FGF13: variants seen among roughly 807,000 people sequenced by gnomAD.
FGF13 encodes fibroblast growth factor 13, also known as fibroblast growth factor homologous factor 2.
In FGF13, 2 loss-of-function variants were observed where a neutral mutation model predicts 19.5. The ratio of observed to expected loss-of-function variants is 0.10; its 90% CI spans 0.04 to 0.32. The LOEUF (loss-of-function observed/expected upper bound fraction) is 0.32. FGF13 is among the 10% of genes least tolerant of loss of function. FGF13 has a pLI of 1.00. For synonymous variants in FGF13, 72 were observed against 76.9 expected (o/e 0.94, Z 0.33); for missense variants, 113 against 192.7 (o/e 0.59, Z 2.45).
chrX:139,109,061 C>G (rs2083582165), intron 1 of FGF13, among the ~76,000 whole-genome samples: 1 of 111,771 alleles, frequency 8.9e-6, no homozygotes, highest in South Asian at 3.7e-4. Flanking sequence ...ATTTTTAAAA[C>G]AGCAATGACA....
At chrX:139,004,914 A>G (rs914165732) in intron 1 of FGF13, among the ~76,000 whole-genome samples, 4 of 112,139 alleles carry the variant, frequency 3.6e-5, no homozygotes, top group Non-Finnish European at 5.6e-5. Flanking sequence ...ACAGAACACC[A>G]GGTAGACTTC....
upstream of FGF13, among the ~76,000 whole-genome samples, chrX:138,740,865 C>T (rs1287883712): frequency 8.9e-6 from 1 of 112,376 alleles, no homozygotes; most frequent in Non-Finnish European, 1.9e-5. Flanking sequence ...GCACTAACCC[C>T]TGCAAATTCT....
intron 1 of FGF13, among the ~76,000 whole-genome samples, chrX:138,735,932 A>G (rs1207664334): frequency 8.0e-5 from 9 of 112,345 alleles, no homozygotes; most frequent in Non-Finnish European, 1.5e-4. Flanking sequence ...TGCATATCCC[A>G]TGTGGATTTC....
chrX:139,001,691 A>C (rs1244669814), intron 1 of FGF13, among the ~76,000 whole-genome samples: 3 of 111,975 alleles, frequency 2.7e-5, no homozygotes, highest in African/African-American at 9.8e-5. Context: ...AGGAAACAAC[A>C]GATGCTGGAG....
At chrX:138,818,302 T>G (rs2090974830) in intron 3 of FGF13, among the ~76,000 whole-genome samples, 1 of 110,689 alleles carries the variant, frequency 9.0e-6, no homozygotes, top group African/African-American at 3.3e-5. Flanking sequence ...CCATTTCTAC[T>G]TGAATAACTT....
intron 1 of FGF13, among the ~76,000 whole-genome samples, chrX:138,884,173 G>A (rs1402520925): frequency 8.9e-6 from 1 of 112,279 alleles, no homozygotes; most frequent in African/African-American, 3.2e-5. Context: ...TGGAGAAATA[G>A]AGAGCCAGAC....
intron 1 of FGF13, among the ~76,000 whole-genome samples, chrX:139,066,536 C>T (rs1244405727): frequency 9.0e-6 from 1 of 111,702 alleles, no homozygotes; most frequent in Non-Finnish European, 1.9e-5. Flanking sequence ...CACCTCTACA[C>T]GAATAAACTA....
intron 1 of FGF13, among the ~76,000 whole-genome samples, chrX:139,068,611 C>T (rs10127133): frequency 0.081 from 8,849 of 109,668 alleles, 478 homozygotes; most frequent in African/African-American, 0.19. Context: ...ATTCTTCCTA[C>T]CCATGAGCAT....
rs1032065517 is a variant in FGF13, at chrX:138,986,542, C to G, written c.-112-121892G>C. 3.6e-5 allele frequency among the ~76,000 whole-genome samples: 4 copies of G among 111,764 alleles called. No individual in the cohort carries two copies. The Admixed American group carries it at 3.8e-4, about 11-fold the overall frequency. On this transcript the variant is annotated intron_variant, in intron 1 of 2. Transcript: ENST00000421460. ...ATGGGAGGAAGGAGGGTACATTTTC[C>G]CACAAAATGGCAACATTTTAAAAAT...
rs1181393272 is a variant in FGF13 at position 139,070,407 on chromosome X, G to T, written c.-113+133009C>A. On this transcript the variant is annotated intron_variant, in intron 1 of 2. Transcript: ENST00000421460. ...CATCATCACTGGTCATTAGAGAAAC[G>T]CAAATCAAAACCACAATGAGATACC... Among the ~76,000 whole-genome samples, 5 of 112,404 alleles carry T rather than the reference G, an allele frequency of 4.4e-5. No homozygotes were observed. In the East Asian group the frequency reaches 1.1e-3, roughly 25 times the overall value.
intron 1 of FGF13, among the ~76,000 whole-genome samples, chrX:139,130,205 C>A: frequency 1.8e-5 from 2 of 112,074 alleles, no homozygotes; most frequent in South Asian, 7.4e-4. Flanking sequence ...TGTAGTGACA[C>A]TATATATTAA....
At chrX:138,971,356 G>T (rs2091914763) in intron 1 of FGF13, among the ~76,000 whole-genome samples, 1 of 34,289 alleles carries the variant, frequency 2.9e-5, no homozygotes, top group African/African-American at 6.6e-5. Context: ...GCTAATAATT[G>T]CTAGGGTTTT....
At chrX:138,811,273 G>T (rs1029422094) in intron 3 of FGF13, among the ~76,000 whole-genome samples, 6 of 111,067 alleles carry the variant, frequency 5.4e-5, no homozygotes, top group South Asian at 3.8e-4. Context: ...CCATAAAAAA[G>T]GATGAGTTCA....
At chrX:138,783,814 G>A (rs2090668454) in intron 3 of FGF13, among the ~76,000 whole-genome samples, 2 of 109,756 alleles carry the variant, frequency 1.8e-5, no homozygotes, top group African/African-American at 6.6e-5. Flanking sequence ...CCCATTACTG[G>A]GTATATACCC....
At chrX:138,855,189 G>A (rs139576080), downstream of FGF13, among the ~76,000 whole-genome samples, 1,070 of 111,483 alleles carry the variant, frequency 9.6e-3, 14 homozygotes, top group African/African-American at 0.032. Flanking sequence ...TGGAAATGAT[G>A]AGCTTCGATA....
chrX:138,951,393 T>C (rs1484438076), intron 1 of FGF13, among the ~76,000 whole-genome samples: 1 of 111,568 alleles, frequency 9.0e-6, no homozygotes, highest in Non-Finnish European at 1.9e-5. Flanking sequence ...GTATAAACAA[T>C]AAAACATTGA....
At chrX:138,965,525 T>C (rs1473870365) in intron 1 of FGF13, among the ~76,000 whole-genome samples, 1 of 112,224 alleles carries the variant, frequency 8.9e-6, no homozygotes, top group Non-Finnish European at 1.9e-5. Flanking sequence ...TCCAATGTTA[T>C]TGAGCAAGTG....
chrX:138,860,120 A>G (rs1331245936), intron 2 of FGF13, among the ~76,000 whole-genome samples: 1 of 111,986 alleles, frequency 8.9e-6, no homozygotes, highest in Non-Finnish European at 1.9e-5. Context: ...TGATTTTTTT[A>G]AACCAGAAGT....
chrX:138,701,459 A>C (rs768082926), intron 3 of FGF13, among the ~76,000 whole-genome samples: 2 of 112,393 alleles, frequency 1.8e-5, no homozygotes, highest in Non-Finnish European at 3.8e-5. Context: ...GCACTCTAGT[A>C]ATAAAATGAC....
Sources: gnomAD v4.1 joint callset for allele counts (sites outside exome capture counted in the v4.1 genomes callset) on GRCh38, gnomAD v4.1.1 for gene constraint, MANE v1.5 for transcripts, NCBI Gene and HGNC (gene_info 2026-07-23, HGNC 2026-07-21) for gene names.